CHM: variants seen among roughly 807,000 people sequenced by gnomAD.
CHM encodes the protein CHM Rab escort protein, also known as rab proteins geranylgeranyltransferase component A 1.
A neutral mutation model predicts 49.0 loss-of-function variants in CHM; 10 were observed. That is an observed-to-expected ratio of 0.20 (90% CI 0.13 to 0.35). CHM has a LOEUF of 0.35. CHM is among the 10% of genes least tolerant of loss of function. CHM has a pLI of 1.00. For synonymous variants in CHM, 184 were observed against 167.5 expected, an observed-to-expected ratio of 1.10 and a Z score of -0.76; for missense variants, 455 against 478.4, an observed-to-expected ratio of 0.95 and a Z score of 0.46.
chrX:85,862,394 C>A lies in CHM; in HGVS notation c.*2236G>T, dbSNP rs979978281. 1 of 112,580 alleles carries A rather than the reference C, an allele frequency of 8.9e-6. No individual in the cohort carries two copies. Among genetic ancestry groups the A allele is most frequent in the Non-Finnish European group, 1.9e-5 (1 of 53,302 alleles). 9.3% of individuals were successfully genotyped at this position (112,580 alleles called of 1,213,427 possible). ...TACTGCAATTGTATTCAGACTCAATCGTCTCATCTACTGGAACCTTTTATA... is the reference window on the plus strand; with the variant it reads ...TACTGCAATTGTATTCAGACTCAATAGTCTCATCTACTGGAACCTTTTATA... On this transcript the variant is annotated 3_prime_UTR_variant, in exon 15 of 15. Coordinates refer to ENST00000357749, the MANE Select transcript of CHM (RefSeq NM_000390.4).
chrX:85,964,017 G>A lies in CHM; in HGVS notation c.350C>T (p.Ala117Val), dbSNP rs755819577. 7 of 1,208,642 alleles carry A rather than the reference G, an allele frequency of 5.8e-6. No homozygotes were observed. Among genetic ancestry groups the A allele is most frequent in the Admixed American group, 2.2e-5 (1 of 45,702 alleles). ...CACAAGAGCATGATTTTTCTGCAGT[G>A]CACCAGCTTCTTCGACATCTTCATG... ...DLHEDVEEAG[A>V]LQKNHALVTS... Residue 117 changes from alanine (A) to valine (V), a missense_variant, in exon 5 of 15, where the codon GCA (alanine) becomes GTA (valine). By Grantham distance (64) the Ala-to-Val change is moderately conservative. Coordinates refer to ENST00000357749, the MANE Select transcript of CHM (RefSeq NM_000390.4).
At position 85,900,666 on chromosome X, in the gene CHM, T is replaced by C; in HGVS notation, c.1393A>G (p.Lys465Glu). 1 of 1,183,596 alleles carries C rather than the reference T, an allele frequency of 8.4e-7. No homozygotes were observed. The highest frequency in any genetic ancestry group is 1.1e-6 in the Non-Finnish European group (1 of 871,850). ...AVLITDRSVL[K>E]TDSDQQISIL... is the part of the protein sequence containing the mutation. The stretch of plus-strand genomic sequence containing the variant: ...TTTACCTGTTGATCTGAATCTGTTT[T>C]TAGGACAGATCTATCTGTAATCAGC... The change falls in exon 11 of 15, where the codon AAA becomes GAA. Residue 465 changes from lysine to glutamate, a missense_variant. Transcript: ENST00000357749.
chrX:85,949,986 T>A lies in CHM; in HGVS notation c.1166+6167A>T, dbSNP rs927459371. On this transcript the variant is annotated intron_variant, in intron 8 of 14. Transcript: ENST00000357749. ...AATAAACACTGAAATTAAATATATATATATATATATATATATATATATATC... is the reference window on the plus strand; with the variant it reads ...AATAAACACTGAAATTAAATATATAAATATATATATATATATATATATATC... 1.4e-3 allele frequency among the ~76,000 whole-genome samples: 108 copies of A among 75,069 alleles called. 1 individual carries two copies. The highest frequency in any genetic ancestry group is 0.012 in the Admixed American group (79 of 6,363). The allele number at this position is 75,069 out of a possible 115,157, so 65.2% of individuals were successfully genotyped here.
chrX:85,994,334 G>A (rs896546969), intron 2 of CHM, among the ~76,000 whole-genome samples: 5 of 111,863 alleles, frequency 4.5e-5, no homozygotes, highest in African/African-American at 1.3e-4. Context: ...ACAGAAGAAC[G>A]TACCCACAGC....
At position 85,901,098 on chromosome X, in the gene CHM, T is replaced by C. The variant is rs776376510; in HGVS notation, c.1335A>G (p.Ser445=). 8.3e-7 allele frequency: 1 copy of C among 1,201,190 alleles called. No individual in the cohort carries two copies. The highest frequency in any genetic ancestry group is 1.8e-5 in the South Asian group (1 of 55,926). Residue 445 remains serine, a synonymous_variant, in exon 10 of 15, where the codon TCA becomes TCG. Transcript: ENST00000357749. ...EDSYFPENMC[S]RVQYRQISRA... Reference sequence around the variant, plus strand: ...GGGGGCCTTACCTGTATTGCACACGTGAGCACATGTTCTCAGGAAAGTAAC... The same window carrying C: ...GGGGGCCTTACCTGTATTGCACACGCGAGCACATGTTCTCAGGAAAGTAAC...
intron 4 of CHM, among the ~76,000 whole-genome samples, chrX:85,971,748 G>T (rs1455879691): frequency 2.7e-5 from 3 of 111,457 alleles, no homozygotes; most frequent in Non-Finnish European, 5.7e-5. Context: ...GAGCCAAGTG[G>T]TCTGTTTTGA....
chrX:85,876,846 G>A (rs1924449245), intron 13 of CHM, among the ~76,000 whole-genome samples: 1 of 111,267 alleles, frequency 9.0e-6, no homozygotes, highest in Non-Finnish European at 1.9e-5. Flanking sequence ...GATAGAGGAT[G>A]CTAAGTAATG....
chrX:85,965,619 G>GA (rs767195889), intron 4 of CHM, among the ~76,000 whole-genome samples: 1 of 108,696 alleles, frequency 9.2e-6, no homozygotes, highest in East Asian at 2.9e-4. Context: ...ATAAGGCCAA[G>GA]AAAAAAACAC....
intron 2 of CHM, among the ~76,000 whole-genome samples, chrX:86,011,746 A>C (rs1287826895): frequency 1.8e-5 from 2 of 111,714 alleles, no homozygotes; most frequent in South Asian, 3.8e-4. Context: ...CCCTAATGTA[A>C]TCACAAAGTT....
intron 8 of CHM, among the ~76,000 whole-genome samples, chrX:85,953,862 G>C (rs1437526983): frequency 8.9e-6 from 1 of 111,818 alleles, no homozygotes; most frequent in African/African-American, 3.3e-5. Context: ...ACTGGTCTGG[G>C]CAAAGATTTC....
In CHM at chrX:85,946,653, C is replaced by T. The variant is rs768118118; in HGVS notation, c.1166+9500G>A. ...TGGGTGTCCAGGCAGAAACCCACTG[C>T]ACAGATGGAACCACCACAGAGAACC... On this transcript the variant is annotated intron_variant, in intron 8 of 14. Coordinates refer to ENST00000357749, the MANE Select transcript of CHM (RefSeq NM_000390.4). Among the ~76,000 whole-genome samples, 4 of 112,335 alleles carry T rather than the reference C, an allele frequency of 3.6e-5. No homozygotes were observed. In the Admixed American group the frequency reaches 3.7e-4, roughly 11 times the overall value.
chrX:85,898,848 T>C (rs758211637), intron 11 of CHM, among the ~76,000 whole-genome samples: 54 of 112,614 alleles, frequency 4.8e-4, no homozygotes, highest in African/African-American at 1.6e-3. Context: ...GATGCTATCA[T>C]AGTGACCACT....
chrX:85,922,689 A>G (rs1316929590), intron 8 of CHM, among the ~76,000 whole-genome samples: 7 of 112,346 alleles, frequency 6.2e-5, no homozygotes, highest in Non-Finnish European at 1.3e-4. Context: ...TACCATTTTA[A>G]TGTCAAGAAA....
chrX:85,949,978 A>AATACATATATATATATATATAT (rs1929643280), intron 8 of CHM, among the ~76,000 whole-genome samples: 1 of 42,807 alleles, frequency 2.3e-5, no homozygotes, highest in African/African-American at 8.2e-5. Context: ...ACTGAAATTA[A>AATACATATATATATATATATAT]ATATATATAT....
In CHM at chrX:85,957,973, A is replaced by G; in HGVS notation, c.822T>C (p.Val274=). The G allele has an allele frequency of 1.7e-6, 2 of 1,209,874 alleles. No individual in the cohort carries two copies. Among genetic ancestry groups the G allele is most frequent in the Non-Finnish European group, 2.2e-6 (2 of 894,229 alleles). Residue 274 remains valine, a splice_region_variant and synonymous_variant, in exon 7 of 15, where the codon GTT becomes GTC. Transcript: ENST00000357749. The stretch of plus-strand genomic sequence containing the variant: ...TAAAGACATCTGCTCTGGAACACGG[A>G]ACCTGAAAAATATTATGATTTTAAG... The part of the protein sequence containing the change: ...LAFREGRVEQ[V]PCSRADVFNS...
At chrX:86,007,294 A>G (rs760025253) in intron 2 of CHM, among the ~76,000 whole-genome samples, 1 of 112,218 alleles carries the variant, frequency 8.9e-6, no homozygotes, top group African/African-American at 3.2e-5. Context: ...TTAGACCTAA[A>G]ACCATAAAAA....
intron 2 of CHM, among the ~76,000 whole-genome samples, chrX:85,990,488 T>TA (rs753065678): frequency 1.2e-4 from 13 of 111,805 alleles, no homozygotes; most frequent in African/African-American, 1.6e-4. Flanking sequence ...ATAAAAGTTT[T>TA]AAAAAAATTG....
intron 2 of CHM, among the ~76,000 whole-genome samples, chrX:86,005,295 C>A (rs1368360255): frequency 1.8e-5 from 2 of 111,776 alleles, no homozygotes; most frequent in Admixed American, 1.9e-4. Flanking sequence ...GCACTAAATG[C>A]CCACAAGAGA....
chrX:86,027,115 A>G, intron 2 of CHM: 1 of 125,694 alleles, frequency 8.0e-6, no homozygotes, highest in Non-Finnish European at 1.6e-5. Context: ...ACCATCAAAT[A>G]TGAAGCCTAA....
Sources: allele counts gnomAD v4.1 joint callset (sites outside exome capture counted in the v4.1 genomes callset), GRCh38; gene constraint gnomAD v4.1.1; transcripts MANE v1.5; gene names NCBI Gene and HGNC (gene_info 2026-07-23, HGNC 2026-07-21).